RASGEF1C: variants seen among roughly 807,000 people sequenced by gnomAD.
RASGEF1C encodes the protein RasGEF domain family member 1C.
In RASGEF1C, 27 loss-of-function variants were observed where a neutral mutation model predicts 58.1. The ratio of observed to expected loss-of-function variants is 0.46; its 90% CI spans 0.34 to 0.64. The LOEUF (loss-of-function observed/expected upper bound fraction) is 0.64. Among genes scored for constraint, RASGEF1C ranks in the 30% least tolerant of loss-of-function variants. The probability of loss-of-function intolerance (pLI) is 0.01; values close to 1 mark genes in which losing one functional copy is unlikely to be tolerated. For synonymous variants in RASGEF1C, 243 were observed against 246.3 expected, an observed-to-expected ratio of 0.99 and a Z score of 0.13; for missense variants, 502 against 605.1, an observed-to-expected ratio of 0.83 and a Z score of 1.79.
At chr5:180,124,309 A>G (rs1404883885) in intron 6 of RASGEF1C, among the ~76,000 whole-genome samples, 2 of 152,206 alleles carry the variant, frequency 1.3e-5, no homozygotes, top group African/African-American at 4.8e-5. Context: ...TCCAAGAACA[A>G]GTAATTCCAG....
chr5:180,191,881 G>C (rs1364095954), intron 1 of RASGEF1C, among the ~76,000 whole-genome samples: 3 of 152,200 alleles, frequency 2.0e-5, no homozygotes, highest in Non-Finnish European at 4.4e-5. Context: ...CACGGTGTTG[G>C]TCAGGGCTGC....
intron 1 of RASGEF1C, among the ~76,000 whole-genome samples, chr5:180,192,215 T>C (rs1753569111): frequency 6.6e-6 from 1 of 152,180 alleles, no homozygotes; most frequent in South Asian, 2.1e-4. Context: ...ATAAGATGGC[T>C]AACAACCTAA....
rs764285338 is a variant in RASGEF1C, at chr5:180,118,671, AGTT to A, written c.1018_1020del (p.Asn340del). On this transcript the variant is annotated inframe_deletion, in exon 10 of 14. Coordinates refer to ENST00000361132, the MANE Select transcript of RASGEF1C (RefSeq NM_175062.4). ...GCCGCCCCGCGCAGGGCTGTCCTGT[AGTT>A]GCAGAAATTCCCCGTTGGGTCCATC... The A allele has an allele frequency of 7.4e-6, 12 of 1,614,030 alleles. No individual in the cohort carries two copies. The South Asian group carries it at 1.3e-4, about 18-fold the overall frequency.
At chr5:180,199,269 G>A (rs895479757) in intron 1 of RASGEF1C, among the ~76,000 whole-genome samples, 3 of 152,196 alleles carry the variant, frequency 2.0e-5, no homozygotes, top group African/African-American at 7.2e-5. Context: ...GGGAGAAAAT[G>A]GACGCAAGCT....
rs1767049905 is a variant in RASGEF1C, at chr5:180,168,209, T to A, written c.-6-30151A>T. On this transcript the variant is annotated intron_variant, in intron 1 of 13. Coordinates refer to ENST00000361132, the MANE Select transcript of RASGEF1C (RefSeq NM_175062.4). This position sits in a 1 kb window ranked among gnomAD's most constrained non-coding sequence, Gnocchi z 6.0. Reference sequence around the variant, plus strand: ...ACTTTGGGAGGCTGAGGTGGGCAGATCACCTGAGGTCAGGAGTTCGAGACC... The same window carrying A: ...ACTTTGGGAGGCTGAGGTGGGCAGAACACCTGAGGTCAGGAGTTCGAGACC... Among the ~76,000 whole-genome samples, 2 of 152,188 alleles carry A rather than the reference T, an allele frequency of 1.3e-5. No homozygotes were observed. The highest frequency in any genetic ancestry group is 4.1e-4 in the South Asian group (2 of 4,826).
chr5:180,139,843 A>T (rs1766547601), intron 1 of RASGEF1C, among the ~76,000 whole-genome samples: 1 of 152,106 alleles, frequency 6.6e-6, no homozygotes, highest in African/African-American at 2.4e-5. Context: ...ATTCCACAAG[A>T]TAGAAAACCT....
chr5:180,137,694 A>T lies in RASGEF1C; in HGVS notation c.196T>A (p.Phe66Ile), dbSNP rs746800235. Residue 66 changes from phenylalanine to isoleucine, a missense_variant, in exon 3 of 14, where the codon TTC becomes ATC. Coordinates refer to ENST00000361132, the MANE Select transcript of RASGEF1C (RefSeq NM_175062.4). This position sits in a 1 kb window ranked among gnomAD's most constrained non-coding sequence, Gnocchi z 4.1. Reference protein sequence around the residue: ...YYPEKAYIFTFLLSSRLFIEP... With the variant: ...YYPEKAYIFTILLSSRLFIEP... ...ATGAAGAGGCGAGAGCTCAGCAGGA[A>T]GGTGAAGATGTAGGCTTTCTGGGGG... is the stretch of plus-strand genomic sequence containing the variant. 1.2e-6 allele frequency: 2 copies of T among 1,612,886 alleles called. No individual in the cohort carries two copies. Among genetic ancestry groups the T allele is most frequent in the African/African-American group, 2.7e-5 (2 of 74,918 alleles).
At chr5:180,203,990 C>T (rs1756446122) in intron 1 of RASGEF1C, among the ~76,000 whole-genome samples, 1 of 92,352 alleles carries the variant, frequency 1.1e-5, no homozygotes, top group Admixed American at 1.4e-4. Context: ...GAGACTCTGT[C>T]TCAAAAAACA....
At position 180,137,624 on chromosome 5, in the gene RASGEF1C, T is replaced by C; in HGVS notation, c.266A>G (p.Glu89Gly). ...CACCGGCTTGTCCAGCTGCTGCTGC[T>C]CGATGCACAGGTGGCAGACCCGGGC... ...LLARVCHLCI[E>G]QQQLDKPVLD... is the part of the protein sequence containing the mutation. Residue 89 changes from glutamate to glycine, a missense_variant, in exon 3 of 14, where the codon GAG becomes GGG. Glu to Gly is a moderately conservative substitution (Grantham distance 98). Transcript: ENST00000361132. This position sits in a 1 kb window ranked among gnomAD's most constrained non-coding sequence, Gnocchi z 4.1. 6.2e-7 allele frequency: 1 copy of C among 1,611,480 alleles called. No individual in the cohort carries two copies. Among genetic ancestry groups the C allele is most frequent in the Non-Finnish European group, 8.5e-7 (1 of 1,179,654 alleles).
intron 4 of RASGEF1C, 89 bp downstream of exon 4, chr5:180,136,289 G>A (rs1254090769): frequency 7.5e-7 from 1 of 1,339,888 alleles, no homozygotes; most frequent in Non-Finnish European, 1.0e-6. Flanking sequence ...AGGGTGGGGA[G>A]ATGAGGGCCC....
chr5:180,204,002 A>G (rs1372968486), intron 1 of RASGEF1C, among the ~76,000 whole-genome samples: 1 of 85,360 alleles, frequency 1.2e-5, no homozygotes, highest in Admixed American at 1.1e-4. Flanking sequence ...CAAAAAACAA[A>G]CAAACAAACA....
intron 1 of RASGEF1C, among the ~76,000 whole-genome samples, chr5:180,144,658 A>T (rs1766636854): frequency 6.6e-6 from 1 of 152,080 alleles, no homozygotes; most frequent in Non-Finnish European, 1.5e-5. Context: ...AATAAAAATT[A>T]AAAAAATATA....
intron 1 of RASGEF1C, among the ~76,000 whole-genome samples, chr5:180,165,606 G>A (rs1475341635): frequency 1.3e-5 from 2 of 151,494 alleles, no homozygotes; most frequent in Non-Finnish European, 2.9e-5. Context: ...AGGAAGTGGA[G>A]GTTGCAGTGA....
intron 6 of RASGEF1C, among the ~76,000 whole-genome samples, chr5:180,126,218 T>C (rs942787278): frequency 6.6e-6 from 1 of 152,114 alleles, no homozygotes; most frequent in Non-Finnish European, 1.5e-5. Flanking sequence ...CCATCATGGC[T>C]TACACGGTGA....
At chr5:180,173,471 A>G (rs1314354343) in intron 1 of RASGEF1C, among the ~76,000 whole-genome samples, 1 of 152,234 alleles carries the variant, frequency 6.6e-6, no homozygotes, top group Non-Finnish European at 1.5e-5. Flanking sequence ...AGAAGCAGCT[A>G]TGTGGACGTC....
chr5:180,157,915 T>C (rs1463899271), intron 1 of RASGEF1C, among the ~76,000 whole-genome samples: 3 of 152,150 alleles, frequency 2.0e-5, no homozygotes, highest in East Asian at 1.9e-4. Context: ...ACCCATAGAA[T>C]GTACAACACC....
chr5:180,161,450 G>T (rs78079730), intron 1 of RASGEF1C, among the ~76,000 whole-genome samples: 3 of 152,174 alleles, frequency 2.0e-5, no homozygotes, highest in Non-Finnish European at 2.9e-5. Context: ...CGGCAGCCAG[G>T]GGGGAACTGC....
intron 1 of RASGEF1C, among the ~76,000 whole-genome samples, chr5:180,206,848 T>TG (rs1406760846): frequency 1.3e-5 from 2 of 152,118 alleles, no homozygotes; most frequent in African/African-American, 4.8e-5. Flanking sequence ...ACGGCTAACT[T>TG]TTGTGATAAT....
At chr5:180,182,473 C>T (rs114996260) in intron 1 of RASGEF1C, among the ~76,000 whole-genome samples, 1 of 152,140 alleles carries the variant, frequency 6.6e-6, no homozygotes, top group African/African-American at 2.4e-5. Flanking sequence ...CAGCAGGTTG[C>T]CGCTGTTGGC....
Sources: allele counts gnomAD v4.1 joint callset (sites outside exome capture counted in the v4.1 genomes callset), GRCh38; gene constraint gnomAD v4.1.1; non-coding constraint Gnocchi (gnomAD v3.1); transcripts MANE v1.5; gene names NCBI Gene and HGNC (gene_info 2026-07-23, HGNC 2026-07-21).